Variants in GRIK4 observed in about 807,000 individuals in gnomAD.
The protein encoded by GRIK4 is glutamate ionotropic receptor kainate type subunit 4.
A neutral mutation model predicts 104.9 loss-of-function variants in GRIK4; 40 were observed. The observed-to-expected ratio is 0.38, with a 90% CI of 0.30 to 0.50. The LOEUF is 0.50. Ranked by LOEUF, GRIK4 falls within the 20% of genes least tolerant of loss-of-function variation. The probability of loss-of-function intolerance (pLI) is 0.93; values close to 1 mark genes in which losing one functional copy is unlikely to be tolerated. For missense variants in GRIK4, 1,047 were observed against 1,308.1 expected, an observed-to-expected ratio of 0.80 and a Z score of 3.08; for synonymous variants, 485 against 524.9, an observed-to-expected ratio of 0.92 and a Z score of 1.04.
chr11:120,675,249 A>G (rs1350953748), intron 3 of GRIK4, among the ~76,000 whole-genome samples: 2 of 152,300 alleles, frequency 1.3e-5, no homozygotes, highest in Admixed American at 6.5e-5. Flanking sequence ...GGAGGGTCCC[A>G]TAGGGGAGGC....
At chr11:120,534,203 G>A (rs1009193409) in intron 1 of GRIK4, among the ~76,000 whole-genome samples, 5 of 152,278 alleles carry the variant, frequency 3.3e-5, no homozygotes, top group South Asian at 4.2e-4. Context: ...AGGTGTTTAC[G>A]TGAGGCTCAG....
intron 3 of GRIK4, among the ~76,000 whole-genome samples, chr11:120,728,796 A>G (rs538845845): frequency 1.3e-5 from 2 of 152,166 alleles, no homozygotes; most frequent in Admixed American, 6.5e-5. Flanking sequence ...TTAAATGTAC[A>G]ATTAAATTAT....
At chr11:120,671,460 G>A (rs1455672209) in intron 3 of GRIK4, among the ~76,000 whole-genome samples, 1 of 152,094 alleles carries the variant, frequency 6.6e-6, no homozygotes, top group African/African-American at 2.4e-5. Context: ...ATTTTGATTT[G>A]GATTTCTGTA....
At chr11:120,772,244 A>G (rs2135458334) in intron 3 of GRIK4, among the ~76,000 whole-genome samples, 1 of 152,310 alleles carries the variant, frequency 6.6e-6, no homozygotes, top group Admixed American at 6.5e-5. Context: ...AAAACAAAAA[A>G]AACCTTAGAA....
At chr11:120,816,506 G>A (rs7105501) in intron 5 of GRIK4, among the ~76,000 whole-genome samples, 22 of 152,238 alleles carry the variant, frequency 1.4e-4, no homozygotes, top group African/African-American at 4.8e-4. Context: ...GGAGGACACA[G>A]TTCTTAGAAA....
At chr11:120,588,109 G>A (rs1447525513) in intron 1 of GRIK4, among the ~76,000 whole-genome samples, 1 of 152,154 alleles carries the variant, frequency 6.6e-6, no homozygotes, top group African/African-American at 2.4e-5. Context: ...TGTGTGGGCG[G>A]CCAGAGGGGC....
At chr11:120,791,993 G>T (rs1045301636) in intron 3 of GRIK4, among the ~76,000 whole-genome samples, 2 of 152,192 alleles carry the variant, frequency 1.3e-5, no homozygotes, top group Non-Finnish European at 2.9e-5. Flanking sequence ...GCTGTCAGGC[G>T]AGGTCATTGC....
intron 13 of GRIK4, among the ~76,000 whole-genome samples, chr11:120,912,878 G>A (rs1165805181): frequency 1.3e-5 from 2 of 152,216 alleles, no homozygotes; most frequent in Non-Finnish European, 2.9e-5. Flanking sequence ...GATGGAGGCT[G>A]GAGATGATGG....
At chr11:120,811,182 C>A (rs1009967845) in intron 4 of GRIK4, among the ~76,000 whole-genome samples, 4 of 152,024 alleles carry the variant, frequency 2.6e-5, no homozygotes, top group Non-Finnish European at 4.4e-5. Flanking sequence ...CTTAAGGAGA[C>A]CAGAGTCACT....
intron 7 of GRIK4, among the ~76,000 whole-genome samples, chr11:120,835,394 C>T (rs111382897): frequency 0.047 from 7,119 of 152,108 alleles, 549 homozygotes; most frequent in African/African-American, 0.16. Context: ...CAGGTGTGGT[C>T]GTGGGTGCCT....
chr11:120,537,524 TG>T (rs1254904035), intron 1 of GRIK4, among the ~76,000 whole-genome samples: 1 of 152,162 alleles, frequency 6.6e-6, no homozygotes, highest in South Asian at 2.1e-4. Context: ...CTCTACTGCC[TG>T]GGGGAGTCCT....
At chr11:120,925,302 C>T (rs990488331) in intron 13 of GRIK4, among the ~76,000 whole-genome samples, 4 of 152,178 alleles carry the variant, frequency 2.6e-5, no homozygotes, top group African/African-American at 7.2e-5. Context: ...AAGACAGCGC[C>T]GTGAGCTGGT....
chr11:120,831,271 A>G (rs1021699070), intron 6 of GRIK4, among the ~76,000 whole-genome samples: 1 of 152,202 alleles, frequency 6.6e-6, no homozygotes, highest in Non-Finnish European at 1.5e-5. Flanking sequence ...CCAAAATGAA[A>G]ACAAAGGCTC....
chr11:120,873,916 C>T (rs1046432943), intron 9 of GRIK4, 150 bp from the exon 10 acceptor site: 84 of 655,174 alleles, frequency 1.3e-4, no homozygotes, highest in Admixed American at 6.5e-4. Flanking sequence ...AGAGACAGGA[C>T]GTGGGCCAAG....
intron 1 of GRIK4, among the ~76,000 whole-genome samples, chr11:120,541,086 C>G (rs1470568240): frequency 6.6e-6 from 1 of 152,272 alleles, no homozygotes; most frequent in Non-Finnish European, 1.5e-5. Context: ...GGGCCCTGCC[C>G]CTGGACTGAG....
chr11:120,634,031 CT>C (rs548175767), intron 1 of GRIK4, among the ~76,000 whole-genome samples: 10 of 152,202 alleles, frequency 6.6e-5, no homozygotes, highest in Non-Finnish European at 1.3e-4. Flanking sequence ...GTTGTTTCCG[CT>C]TATGAGCAGT....
At chr11:120,882,283 T>C (rs1342820594) in intron 11 of GRIK4, among the ~76,000 whole-genome samples, 1 of 152,236 alleles carries the variant, frequency 6.6e-6, no homozygotes, top group Non-Finnish European at 1.5e-5. Flanking sequence ...TGATTGCTAC[T>C]GTCTAATACA....
chr11:120,542,463 T>G (rs1329454024), intron 1 of GRIK4, among the ~76,000 whole-genome samples: 1 of 152,032 alleles, frequency 6.6e-6, no homozygotes, highest in Non-Finnish European at 1.5e-5. Flanking sequence ...TGGAACTACA[T>G]CAAACAAGAA....
At chr11:120,807,449 A>G (rs1221263349) in intron 4 of GRIK4, among the ~76,000 whole-genome samples, 1 of 152,044 alleles carries the variant, frequency 6.6e-6, no homozygotes, top group Non-Finnish European at 1.5e-5. Flanking sequence ...TCCCCTTGAA[A>G]CTAGAGGCGC....
Sources: gnomAD v4.1 joint callset for allele counts (sites outside exome capture counted in the v4.1 genomes callset) on GRCh38, gnomAD v4.1.1 for gene constraint, MANE v1.5 for transcripts, NCBI Gene and HGNC (gene_info 2026-07-23, HGNC 2026-07-21) for gene names.